The following ITIH3 variants were observed in gnomAD, a reference collection of about 807,000 sequenced individuals.
ITIH3 encodes the protein inter-alpha-trypsin inhibitor heavy chain 3.
A neutral mutation model predicts 96.5 loss-of-function variants in ITIH3; 81 were observed. The ratio of observed to expected loss-of-function variants is 0.84; its 90% confidence interval spans 0.70 to 1.01. The LOEUF is 1.01. ITIH3 is among the 50% of genes least tolerant of loss of function. The pLI is 0.00. For synonymous variants in ITIH3, 422 were observed against 445.2 expected (o/e 0.95, Z 0.66); for missense variants, 1,057 against 1,139.3 (o/e 0.93, Z 1.04).
chr3:52,808,456 A>C, intron 21 of ITIH3, 96 bp from the exon 22 acceptor site: 1 of 1,517,764 alleles, frequency 6.6e-7, no homozygotes, highest in Non-Finnish European at 9.1e-7. Context: ...GGCTGTTAGA[A>C]TTGCCAACTT....
rs536898155 is a variant in ITIH3 at position 52,806,097 on chromosome 3, C to T, written c.1907-6C>T. The T allele has an allele frequency of 1.0e-5, 16 of 1,597,468 alleles. No individual in the cohort carries two copies. In the East Asian group the frequency reaches 2.7e-4, roughly 27 times the overall value. On this transcript the variant is annotated splice_region_variant and splice_polypyrimidine_tract_variant and intron_variant, in intron 16 of 21. Coordinates refer to ENST00000449956, the MANE Select transcript of ITIH3 (RefSeq NM_002217.4). ...AGCTCAGCCCTCTCTCCCTTTGTAT[C>T]TGCAGCCAGCTACCAGCCTCCTCAA...
intron 16 of ITIH3, 129 bp downstream of exon 16, chr3:52,805,969 G>T: frequency 6.6e-7 from 1 of 1,512,998 alleles, no homozygotes; most frequent in Non-Finnish European, 9.1e-7. Flanking sequence ...TGAGGAGATT[G>T]CGGGGTGGGA....
Position 52,799,487 on chromosome 3 carries a change from A to G in ITIH3, c.905A>G (p.Gln302Arg), listed in dbSNP as rs764364629. Reference protein sequence around the residue: ...SGSMAGRKLEQTKEALLRILE... With the variant: ...SGSMAGRKLERTKEALLRILE... ...TCCATGGCTGGTCGGAAATTAGAGCAGGTAATCAGCACCAGTGGCACAGCC... is the reference window on the plus strand; with the variant it reads ...TCCATGGCTGGTCGGAAATTAGAGCGGGTAATCAGCACCAGTGGCACAGCC... The change falls in exon 8 of 22, where the codon CAG (glutamine) becomes CGG (arginine). Residue 302 changes from glutamine to arginine, a missense_variant and splice_region_variant. Transcript: ENST00000449956. 2 of 1,602,968 alleles carry G rather than the reference A, an allele frequency of 1.2e-6. No individual in the cohort carries two copies. Among genetic ancestry groups the G allele is most frequent in the South Asian group, 1.1e-5 (1 of 89,134 alleles).
At chr3:52,795,894 C>A in intron 2 of ITIH3, 1 of 476,514 alleles carries the variant, frequency 2.1e-6, no homozygotes, top group Non-Finnish European at 3.7e-6. Flanking sequence ...CTTGCTGGTA[C>A]CTGGCTCTGT....
chr3:52,806,115 C>A lies in ITIH3; in HGVS notation c.1919C>A (p.Pro640His). The A allele has an allele frequency of 6.2e-7, 1 of 1,602,650 alleles. No individual in the cohort carries two copies. The highest frequency in any genetic ancestry group is 1.1e-5 in the South Asian group (1 of 88,882). Residue 640 changes from proline to histidine, a missense_variant, in exon 17 of 22, where the codon CCT becomes CAT. Pro to His is a moderately conservative substitution (Grantham distance 77). Transcript: ENST00000449956. ...TTTGTATCTGCAGCCAGCTACCAGC[C>A]TCCTCAAAACCCCTACTACTATGGT... ...PAMSYLTSYQPPQNPYYYVDG... is the reference protein window; with the variant it reads ...PAMSYLTSYQHPQNPYYYVDG...
Position 52,797,924 on chromosome 3 carries a change from GA to G in ITIH3, c.662del (p.Lys221ArgfsTer10), listed in dbSNP as rs763793671. On this transcript the variant is annotated frameshift_variant, in exon 6 of 22. Transcript: ENST00000449956. LOFTEE classifies it high-confidence loss of function. ...GCGCCCTCACCAAGTCCTTCTCAGG[GA>G]AAAAGGTGATGTAGATGCCTCTCAG... ...GSALTKSFSG[K>X]KGHVSFKPSL... The G allele has an allele frequency of 1.0e-5, 16 of 1,586,620 alleles. No homozygotes were observed. The highest frequency in any genetic ancestry group is 4.5e-5 in the East Asian group (2 of 44,028).
At chr3:52,802,130 C>T in intron 11 of ITIH3, 2 of 505,738 alleles carry the variant, frequency 4.0e-6, no homozygotes, top group East Asian at 3.0e-5. Flanking sequence ...TGAAACTGTC[C>T]TTTCTAGTCT....
chr3:52,801,568 C>A (rs1394439925), intron 11 of ITIH3, among the ~76,000 whole-genome samples: 1 of 152,132 alleles, frequency 6.6e-6, no homozygotes, highest in African/African-American at 2.4e-5. Context: ...CTTCTGAGGG[C>A]TATGAGGGCA....
At chr3:52,805,388 C>T in intron 15 of ITIH3, 3 of 1,035,338 alleles carry the variant, frequency 2.9e-6, no homozygotes, top group Non-Finnish European at 3.5e-6. Context: ...TACATATATG[C>T]ATGTGCACGC....
rs771530367 is a variant in ITIH3, at chr3:52,796,473, C to A, written c.115-8C>A. 1 of 1,610,232 alleles carries A rather than the reference C, an allele frequency of 6.2e-7. No individual in the cohort carries two copies. Among genetic ancestry groups the A allele is most frequent in the Admixed American group, 1.7e-5 (1 of 59,894 alleles). ...AGTCTGGCTGATTCTCCACCCACCT[C>A]CCCAAAGGTGGCCAATGGCATCGAG... is the stretch of plus-strand genomic sequence containing the variant. On this transcript the variant is annotated splice_polypyrimidine_tract_variant and splice_region_variant and intron_variant, in intron 2 of 21. Transcript: ENST00000449956.
At chr3:52,802,597 A>G in intron 12 of ITIH3, 70 bp from the exon 13 acceptor site, 2 of 1,611,810 alleles carry the variant, frequency 1.2e-6, no homozygotes, top group Non-Finnish European at 1.7e-6. Context: ...ATGAGGGTCC[A>G]GGAGTGGTGG....
chr3:52,795,696 G>T (rs1699555010), intron 2 of ITIH3, 73 bp downstream of exon 2: 5 of 1,466,196 alleles, frequency 3.4e-6, no homozygotes, highest in Non-Finnish European at 4.7e-6. Flanking sequence ...ACTGCTGAAG[G>T]TGTAGGCTAT....
At chr3:52,802,155 T>G (rs1457957141) in intron 11 of ITIH3, 179 bp from the exon 12 acceptor site, 11 of 576,334 alleles carry the variant, frequency 1.9e-5, no homozygotes, top group Non-Finnish European at 3.4e-5. Flanking sequence ...CGTGTCTATC[T>G]GGGAGCAGGG....
intron 15 of ITIH3, 129 bp downstream of exon 15, chr3:52,804,863 A>AGGT: frequency 3.0e-6 from 3 of 1,008,806 alleles, no homozygotes; most frequent in Non-Finnish European, 4.5e-6. Context: ...GCTCAGGCCC[A>AGGT]GCCCTATTGC....
At chr3:52,794,958 T>G in intron 1 of ITIH3, 62 bp downstream of exon 1, 1 of 1,334,272 alleles carries the variant, frequency 7.5e-7, no homozygotes, top group Non-Finnish European at 1.1e-6. Context: ...GGCATCATGC[T>G]GGGCAAGGCC....
intron 15 of ITIH3, 164 bp from the exon 16 acceptor site, chr3:52,805,644 C>A: frequency 6.9e-7 from 1 of 1,445,528 alleles, no homozygotes; most frequent in East Asian, 2.5e-5. Context: ...CTTCCCTGGA[C>A]GTGCCCGATT....
At chr3:52,797,607 T>C (rs9842048) in intron 5 of ITIH3, among the ~76,000 whole-genome samples, 10,574 of 152,210 alleles carry the variant, frequency 0.069, 1,111 homozygotes, top group African/African-American at 0.22. Flanking sequence ...TTCGGGCGCA[T>C]ATGGCAGGCG....
At chr3:52,799,565 G>A (rs1032603695) in intron 8 of ITIH3, 77 bp downstream of exon 8, 59 of 1,156,712 alleles carry the variant, frequency 5.1e-5, no homozygotes, top group Non-Finnish European at 7.0e-5. Context: ...ACTGGAAAAA[G>A]CTGATCTTTG....
intron 6 of ITIH3, chr3:52,798,681 ATC>A: frequency 2.3e-6 from 1 of 436,818 alleles, no homozygotes; most frequent in Admixed American, 3.5e-5. Context: ...TGGAAGCTGA[ATC>A]AGCCAAGGCC....
Sources: allele counts gnomAD v4.1 joint callset (sites outside exome capture counted in the v4.1 genomes callset), GRCh38; gene constraint gnomAD v4.1.1; transcripts MANE v1.5; gene names NCBI Gene and HGNC (gene_info 2026-07-23, HGNC 2026-07-21).